CHST6: variants seen among roughly 807,000 people sequenced by gnomAD.
CHST6 encodes N-acetylglucosamine 6-O-sulfotransferase 5.
For missense variants in CHST6, 698 were observed against 586.2 expected (o/e 1.19, Z -1.97); for synonymous variants, 309 against 276.4 (o/e 1.12, Z -1.17).
chr16:75,481,584 A>C (rs2080142544), intron 2 of CHST6, among the ~76,000 whole-genome samples: 1 of 152,144 alleles, frequency 6.6e-6, no homozygotes, highest in African/African-American at 2.4e-5. Flanking sequence ...CAATAGAGTG[A>C]GACTCTTTCT....
chr16:75,493,810 A>C (rs921023817), intron 1 of CHST6, among the ~76,000 whole-genome samples: 2 of 152,164 alleles, frequency 1.3e-5, no homozygotes, highest in African/African-American at 2.4e-5. Context: ...ACAAGGGCAA[A>C]CAAAACAGAA....
chr16:75,479,739 C>T lies in CHST6; in HGVS notation c.90G>A (p.Gly30=). The T allele has an allele frequency of 6.2e-7, 1 of 1,604,662 alleles. No individual in the cohort carries two copies. Among genetic ancestry groups the T allele is most frequent in the Non-Finnish European group, 8.5e-7 (1 of 1,175,768 alleles). ...CCTCGCCGCCTGCTGGGGACGAGGG[C>T]CCTGGCCGGGAAACCAGAAAGAGGA... ...FLLLFLVSRP[G]PSSPAGGEAR... The change falls in exon 3 of 3, where the codon GGG becomes GGA. Residue 30 remains glycine (G), a synonymous_variant. Transcript: ENST00000332272.
chr16:75,479,719 C>T lies in CHST6; in HGVS notation c.110G>A (p.Gly37Asp). The change falls in exon 3 of 3, where the codon GGC becomes GAC. Residue 37 changes from glycine to aspartate, a missense_variant. Coordinates refer to ENST00000332272, the MANE Select transcript of CHST6 (RefSeq NM_021615.5). ...SRPGPSSPAG[G>D]EARVHVLVLS... ...CACCAGCACATGCACGCGCGCCTCG[C>T]CGCCTGCTGGGGACGAGGGCCCTGG... 1 of 1,608,778 alleles carries T rather than the reference C, an allele frequency of 6.2e-7. No homozygotes were observed. Among genetic ancestry groups the T allele is most frequent in the Non-Finnish European group, 8.5e-7 (1 of 1,177,650 alleles).
At chr16:75,480,738 G>C (rs1421295111) in intron 2 of CHST6, among the ~76,000 whole-genome samples, 2 of 151,892 alleles carry the variant, frequency 1.3e-5, no homozygotes, top group Admixed American at 1.3e-4. Context: ...AGACCAGCTT[G>C]GTCAACATGG....
intron 1 of CHST6, among the ~76,000 whole-genome samples, chr16:75,493,133 T>C (rs1007856111): frequency 4.6e-5 from 7 of 152,140 alleles, no homozygotes; most frequent in African/African-American, 1.4e-4. Flanking sequence ...TATAGAGCAC[T>C]GAGGTTAAGA....
Position 75,481,407 on chromosome 16 carries a change from A to G in CHST6, c.-17+410T>C, listed in dbSNP as rs2080140151. Among the ~76,000 whole-genome samples the G allele has an allele frequency of 1.3e-5, 2 of 152,160 alleles. 1 individual carries two copies. The highest frequency in any genetic ancestry group is 1.3e-4 in the Admixed American group (2 of 15,268). ...CAGGAGTTCGACACCAACCTGGCCA[A>G]CATGGTAAAACCCCATCTCTACCAA... On this transcript the variant is annotated intron_variant, in intron 2 of 2. Coordinates refer to ENST00000332272, the MANE Select transcript of CHST6 (RefSeq NM_021615.5).
At chr16:75,491,215 AT>A in intron 1 of CHST6, among the ~76,000 whole-genome samples, 2 of 134,338 alleles carry the variant, frequency 1.5e-5, no homozygotes, top group African/African-American at 5.5e-5. Context: ...ATATATATAT[AT>A]ATAAAATATA....
rs1254301704 is a variant in CHST6, at chr16:75,479,347, G to A, written c.482C>T (p.Ala161Val). Residue 161 changes from alanine to valine, a missense_variant, in exon 3 of 3, where the codon GCC (alanine) becomes GTC (valine). Coordinates refer to ENST00000332272, the MANE Select transcript of CHST6 (RefSeq NM_021615.5). The part of the protein sequence containing the change: ...PLCARQSFTL[A>V]REACRSYSHV... Reference sequence around the variant, plus strand: ...GCTGTAGGAGCGGCAGGCCTCCCGGGCCAGGGTGAAGGACTGCCGCGCGCA... The same window carrying A: ...GCTGTAGGAGCGGCAGGCCTCCCGGACCAGGGTGAAGGACTGCCGCGCGCA... 6.2e-7 allele frequency: 1 copy of A among 1,612,766 alleles called. No individual in the cohort carries two copies. Among genetic ancestry groups the A allele is most frequent in the Non-Finnish European group, 8.5e-7 (1 of 1,179,762 alleles).
rs534339428 is a variant in CHST6, at chr16:75,493,877, C to T, written c.-92+1063G>A. On this transcript the variant is annotated intron_variant, in intron 1 of 2. Coordinates refer to ENST00000332272, the MANE Select transcript of CHST6 (RefSeq NM_021615.5). ...TTGTGTTTTTTCTGAGATGGAGTCT[C>T]GCTGTTGTCCAGACTGGAGTGAAGT... 8.5e-5 allele frequency among the ~76,000 whole-genome samples: 13 copies of T among 152,254 alleles called. 1 individual carries two copies. The highest frequency in any genetic ancestry group is 2.6e-4 in the African/African-American group (11 of 41,562).
intron 1 of CHST6, among the ~76,000 whole-genome samples, chr16:75,490,258 C>G (rs1334599504): frequency 6.7e-6 from 1 of 149,842 alleles, no homozygotes; most frequent in Non-Finnish European, 1.5e-5. Flanking sequence ...GCTGGTGGAT[C>G]ACCTGAGGTC....
In CHST6 at chr16:75,474,462, G is replaced by C; in HGVS notation, c.*4179C>G. ...GCTAATTTTTTTTTAACTTTGTAGAGATGGGGTCTCACTATGTTGCCCAGG... is the reference window on the plus strand; with the variant it reads ...GCTAATTTTTTTTTAACTTTGTAGACATGGGGTCTCACTATGTTGCCCAGG... On this transcript the variant is annotated 3_prime_UTR_variant, in exon 3 of 3. Coordinates refer to ENST00000332272, the MANE Select transcript of CHST6 (RefSeq NM_021615.5). 1 of 395,088 alleles carries C rather than the reference G, an allele frequency of 2.5e-6. No individual in the cohort carries two copies. Among genetic ancestry groups the C allele is most frequent in the Non-Finnish European group, 4.5e-6 (1 of 224,362 alleles). 24.5% of individuals were successfully genotyped at this position (395,088 alleles called of 1,614,324 possible). A position where few individuals can be genotyped will look rare whatever the true frequency, so the allele number is the denominator to read the frequency against.
At chr16:75,483,778 C>T (rs1054348533) in intron 1 of CHST6, among the ~76,000 whole-genome samples, 1 of 152,138 alleles carries the variant, frequency 6.6e-6, no homozygotes, top group Non-Finnish European at 1.5e-5. Context: ...AATTAGGGCA[C>T]TTTGGGAGGC....
chr16:75,485,943 T>C (rs986659340), intron 1 of CHST6, among the ~76,000 whole-genome samples: 1 of 152,218 alleles, frequency 6.6e-6, no homozygotes, highest in Admixed American at 6.5e-5. Flanking sequence ...GTCCATCTTG[T>C]ACAGTTGCCC....
chr16:75,495,110 A>G lies in CHST6; in HGVS notation c.-262T>C, dbSNP rs2080295831. ...GGCTGACTTGCTCCTTAAGGTCCCA[A>G]GACTATTAAGCGACACCCGGTGAGG... On this transcript the variant is annotated 5_prime_UTR_variant, in exon 1 of 3. Coordinates refer to ENST00000332272, the MANE Select transcript of CHST6 (RefSeq NM_021615.5). The G allele has an allele frequency of 6.6e-6, 1 of 152,314 alleles. No individual in the cohort carries two copies. The highest frequency in any genetic ancestry group is 6.5e-5 in the Admixed American group (1 of 15,288). 9.4% of individuals were successfully genotyped at this position (152,314 alleles called of 1,614,324 possible).
chr16:75,479,148 GC>G lies in CHST6; in HGVS notation c.680del (p.Gly227AlafsTer154). 1 of 1,607,048 alleles carries G rather than the reference GC, an allele frequency of 6.2e-7. No homozygotes were observed. Among genetic ancestry groups the G allele is most frequent in the Non-Finnish European group, 8.5e-7 (1 of 1,178,924 alleles). On this transcript the variant is annotated frameshift_variant, in exon 3 of 3. Coordinates refer to ENST00000332272, the MANE Select transcript of CHST6 (RefSeq NM_021615.5). LOFTEE classifies it low-confidence loss of function (END_TRUNC). ...CGGCCTCCACCCACGTGCCGTTGGT[GC>G]CCAGCACGATGCCGTTGTCACGCGC... ...ALARDNGIVLGTNGTWVEADP... is the reference protein window; with the variant it reads ...ALARDNGIVLXTNGTWVEADP...
chr16:75,486,650 A>G (rs1272803840), intron 1 of CHST6, among the ~76,000 whole-genome samples: 1 of 152,260 alleles, frequency 6.6e-6, no homozygotes, highest in East Asian at 1.9e-4. Flanking sequence ...AGAACTCAGC[A>G]GAGAAAGTTC....
intron 1 of CHST6, among the ~76,000 whole-genome samples, chr16:75,492,497 T>C (rs1012435418): frequency 6.6e-6 from 1 of 152,250 alleles, no homozygotes; most frequent in African/African-American, 2.4e-5. Flanking sequence ...CCTTATTTTT[T>C]AAAAGTAAAT....
intron 1 of CHST6, among the ~76,000 whole-genome samples, chr16:75,491,850 G>C (rs1453831230): frequency 1.3e-5 from 2 of 152,180 alleles, no homozygotes; most frequent in Non-Finnish European, 2.9e-5. Flanking sequence ...CAGCTGACCT[G>C]AGTACCCAGT....
At chr16:75,488,211 C>A (rs1393294180) in intron 1 of CHST6, among the ~76,000 whole-genome samples, 1 of 152,064 alleles carries the variant, frequency 6.6e-6, no homozygotes, top group Non-Finnish European at 1.5e-5. Context: ...TGTCTATAAT[C>A]CCAGCACTTT....
Sources: gnomAD v4.1 joint callset for allele counts (sites outside exome capture counted in the v4.1 genomes callset) on GRCh38, gnomAD v4.1.1 for gene constraint, MANE v1.5 for transcripts, NCBI Gene and HGNC (gene_info 2026-07-23, HGNC 2026-07-21) for gene names.